Variants in CDH18 observed in about 807,000 individuals in gnomAD.
CDH18 encodes cadherin 18.
CDH18 carries 31 observed loss-of-function variants against 67.9 expected under a neutral mutation model. The observed-to-expected ratio is 0.46, with a 90% CI of 0.34 to 0.62. The LOEUF (loss-of-function observed/expected upper bound fraction) is 0.62. Ranked by LOEUF, CDH18 falls within the 20% of genes least tolerant of loss-of-function variation. The pLI, the probability that CDH18 is intolerant of heterozygous loss-of-function variation, is 0.01. For missense variants in CDH18, 890 were observed against 975.5 expected (o/e 0.91, Z 1.17); for synonymous variants, 362 against 347.2 (o/e 1.04, Z -0.48).
At chr5:20,531,981 G>T (rs1024573140) in intron 1 of CDH18, among the ~76,000 whole-genome samples, 2 of 151,976 alleles carry the variant, frequency 1.3e-5, no homozygotes, top group African/African-American at 4.8e-5. Context: ...AAATTATCCT[G>T]CTCAAATGTA....
At chr5:19,973,649 AT>A in intron 2 of CDH18, among the ~76,000 whole-genome samples, 1 of 152,266 alleles carries the variant, frequency 6.6e-6, no homozygotes, top group South Asian at 2.1e-4. Context: ...TTTTAATAGG[AT>A]GAGAAGAGCA....
At chr5:19,819,791 A>T (rs926839967) in intron 3 of CDH18, among the ~76,000 whole-genome samples, 1 of 152,072 alleles carries the variant, frequency 6.6e-6, no homozygotes, top group African/African-American at 2.4e-5. Context: ...GCTCCTGTGA[A>T]TGGCCAGGTT....
At chr5:19,545,959 C>A (rs1005676911) in intron 8 of CDH18, among the ~76,000 whole-genome samples, 6 of 152,080 alleles carry the variant, frequency 3.9e-5, no homozygotes, top group Non-Finnish European at 8.8e-5. Flanking sequence ...AAGTACACAA[C>A]CTATTGAGTA....
chr5:20,032,679 C>A (rs983953062), intron 2 of CDH18, among the ~76,000 whole-genome samples: 1 of 151,886 alleles, frequency 6.6e-6, no homozygotes, highest in Non-Finnish European at 1.5e-5. Context: ...AAGCCAAGCA[C>A]ACAGTAAACT....
chr5:20,421,151 T>C (rs1476556082), intron 1 of CDH18, among the ~76,000 whole-genome samples: 3 of 151,028 alleles, frequency 2.0e-5, no homozygotes, highest in Non-Finnish European at 4.4e-5. Flanking sequence ...TCACTTGTTG[T>C]CATCTGACTG....
At chr5:20,311,803 A>G (rs1737020757) in intron 1 of CDH18, among the ~76,000 whole-genome samples, 1 of 152,182 alleles carries the variant, frequency 6.6e-6, no homozygotes, top group Admixed American at 6.5e-5. Context: ...TAATATAAAA[A>G]ATTATTGTAT....
At chr5:19,811,137 AGAAAGAAAGAAAGAAAGAAAGAAG>A (rs1333656137) in intron 3 of CDH18, among the ~76,000 whole-genome samples, 3,365 of 123,846 alleles carry the variant, frequency 0.027, 313 homozygotes, top group African/African-American at 0.041. Context: ...AAAGAAAGAA[AGAAAGAAAGAAAGAAAGAAAGAAG>A]GAGAGAAAGA....
chr5:19,731,127 C>A (rs1767534263), intron 4 of CDH18, among the ~76,000 whole-genome samples: 2 of 152,096 alleles, frequency 1.3e-5, no homozygotes, highest in Non-Finnish European at 2.9e-5. Context: ...ACATTTTCAT[C>A]ATATAGGCAC....
At chr5:20,384,339 G>A (rs1360722290) in intron 1 of CDH18, among the ~76,000 whole-genome samples, 2 of 152,138 alleles carry the variant, frequency 1.3e-5, no homozygotes, top group African/African-American at 4.8e-5. Flanking sequence ...GTGAGATCAT[G>A]CAGTGTTTAT....
chr5:19,886,252 T>G (rs1272951380), intron 2 of CDH18: 1 of 152,154 alleles, frequency 6.6e-6, no homozygotes. Context: ...TGAAGTACAT[T>G]AGATGACTGC....
chr5:19,936,507 ATGTGC>A (rs1794284052), intron 2 of CDH18, among the ~76,000 whole-genome samples: 1 of 151,310 alleles, frequency 6.6e-6, no homozygotes, highest in Admixed American at 6.6e-5. Flanking sequence ...ATTAAAAATA[ATGTGC>A]TGTATACTTT....
chr5:19,668,840 A>T (rs1758325508), intron 5 of CDH18, among the ~76,000 whole-genome samples: 1 of 152,040 alleles, frequency 6.6e-6, no homozygotes, highest in African/African-American at 2.4e-5. Context: ...CTTCATCCAC[A>T]GAAACAAGTA....
intron 5 of CDH18, among the ~76,000 whole-genome samples, chr5:19,646,131 GAGA>G (rs1754703091): frequency 6.6e-6 from 1 of 152,078 alleles, no homozygotes; most frequent in East Asian, 1.9e-4. Context: ...AGGAAAAGTT[GAGA>G]AGGTTTATTG....
At chr5:20,398,569 C>T (rs944241647) in intron 1 of CDH18, among the ~76,000 whole-genome samples, 2 of 152,082 alleles carry the variant, frequency 1.3e-5, no homozygotes, top group African/African-American at 4.8e-5. Context: ...CGTCCTAATG[C>T]GGGGCTTAAA....
chr5:19,951,888 C>T (rs1336287751), intron 2 of CDH18, among the ~76,000 whole-genome samples: 1 of 152,102 alleles, frequency 6.6e-6, no homozygotes, highest in Admixed American at 6.6e-5. Flanking sequence ...AAATCTGTTA[C>T]ATTCTAAATA....
intron 2 of CDH18, among the ~76,000 whole-genome samples, chr5:20,060,420 C>T (rs535505139): frequency 1.2e-4 from 18 of 151,804 alleles, no homozygotes; most frequent in African/African-American, 3.1e-4. Flanking sequence ...GCCAAGATTG[C>T]GCCACTGCAC....
At chr5:20,237,053 T>C (rs542527740) in intron 2 of CDH18, among the ~76,000 whole-genome samples, 1 of 151,990 alleles carries the variant, frequency 6.6e-6, no homozygotes, top group Non-Finnish European at 1.5e-5. Flanking sequence ...ATCAAAATGA[T>C]ACTCTACATA....
chr5:20,077,522 G>C (rs1437304748), intron 2 of CDH18, among the ~76,000 whole-genome samples: 1 of 152,102 alleles, frequency 6.6e-6, no homozygotes, highest in Non-Finnish European at 1.5e-5. Flanking sequence ...GCTGTGAAAT[G>C]CCAAAAATAC....
chr5:19,658,232 A>G (rs1756667418), intron 5 of CDH18, among the ~76,000 whole-genome samples: 1 of 152,138 alleles, frequency 6.6e-6, no homozygotes, highest in Non-Finnish European at 1.5e-5. Context: ...AGAGCTAAAA[A>G]GACAATGATC....
Sources: gnomAD v4.1 joint callset for allele counts (sites outside exome capture counted in the v4.1 genomes callset) on GRCh38, gnomAD v4.1.1 for gene constraint, MANE v1.5 for transcripts, NCBI Gene and HGNC (gene_info 2026-07-23, HGNC 2026-07-21) for gene names.